The following NIF3L1 variants were observed in gnomAD, a reference collection of about 807,000 sequenced individuals.
NIF3L1 encodes the protein NIF3-like protein 1.
A neutral mutation model predicts 35.0 loss-of-function variants in NIF3L1; 26 were observed. The ratio of observed to expected loss-of-function variants is 0.74; its 90% confidence interval spans 0.54 to 1.03. The LOEUF (loss-of-function observed/expected upper bound fraction) is 1.03. NIF3L1 is among the 50% of genes least tolerant of loss of function. The probability of loss-of-function intolerance (pLI) is 0.00; values close to 1 mark genes in which losing one functional copy is unlikely to be tolerated. For synonymous variants in NIF3L1, 157 were observed against 178.9 expected, an observed-to-expected ratio of 0.88 and a Z score of 0.98; for missense variants, 449 against 466.3, an observed-to-expected ratio of 0.96 and a Z score of 0.34.
Position 200,894,562 on chromosome 2 carries a change from G to A in NIF3L1, c.600-702G>A, listed in dbSNP as rs148946488. ...ACTACAGGCACCCGCCCCCCACCAC[G>A]CCCGGCTAATTTTTTTTGTATTTTT... is the stretch of plus-strand genomic sequence containing the variant. On this transcript the variant is annotated intron_variant, in intron 3 of 6. Coordinates refer to ENST00000409020, the MANE Select transcript of NIF3L1 (RefSeq NM_001369441.2). Among the ~76,000 whole-genome samples, 841 of 151,474 alleles carry A rather than the reference G, an allele frequency of 5.6e-3. 11 individuals carry two copies. Among genetic ancestry groups the A allele is most frequent in the African/African-American group, 0.02 (807 of 41,290 alleles).
At chr2:200,892,559 AT>A (rs1259613704) in intron 2 of NIF3L1, among the ~76,000 whole-genome samples, 180 bp downstream of exon 2, 1 of 152,218 alleles carries the variant, frequency 6.6e-6, no homozygotes, top group African/African-American at 2.4e-5. Flanking sequence ...AAAAGGAAAC[AT>A]TTTTTATTCT....
At chr2:200,901,633 G>T (rs758280853) in intron 6 of NIF3L1, among the ~76,000 whole-genome samples, 2 of 152,292 alleles carry the variant, frequency 1.3e-5, no homozygotes, top group Admixed American at 6.5e-5. Flanking sequence ...GCCTGAGGCC[G>T]TGTTCTCATT....
chr2:200,902,749 C>T (rs1235009243), intron 6 of NIF3L1, among the ~76,000 whole-genome samples: 1 of 152,036 alleles, frequency 6.6e-6, no homozygotes, highest in African/African-American at 2.4e-5. Context: ...ACTAAGTTGA[C>T]GACAGAAATA....
intron 6 of NIF3L1, among the ~76,000 whole-genome samples, chr2:200,899,815 C>G (rs2040382473): frequency 6.6e-6 from 1 of 152,128 alleles, no homozygotes; most frequent in African/African-American, 2.4e-5. Context: ...ATCATCAATT[C>G]CTATCAATTC....
chr2:200,900,939 A>G (rs1015883047), intron 6 of NIF3L1, among the ~76,000 whole-genome samples: 8 of 152,184 alleles, frequency 5.3e-5, no homozygotes, highest in Admixed American at 2.6e-4. Flanking sequence ...GTCTATACAC[A>G]TTTGTGTTTG....
At chr2:200,896,962 A>G in intron 4 of NIF3L1, 114 bp from the exon 5 acceptor site, 1 of 993,634 alleles carries the variant, frequency 1.0e-6, no homozygotes, top group Non-Finnish European at 1.5e-6. Flanking sequence ...TTGTATCCCC[A>G]CATTTAGCCT....
rs771013408 is a variant in NIF3L1, at chr2:200,892,147, C to G, written c.204C>G (p.Phe68Leu). ...PSPPHTVNTL[F>L]LTNDLTEEVM... ...CACCACATACTGTAAATACACTCTT[C>G]CTGACCAATGACCTGACTGAGGAAG... Residue 68 changes from phenylalanine (F) to leucine (L), a missense_variant, in exon 2 of 7, where the codon TTC (phenylalanine) becomes TTG (leucine). Coordinates refer to ENST00000409020, the MANE Select transcript of NIF3L1 (RefSeq NM_001369441.2). The G allele has an allele frequency of 6.2e-7, 1 of 1,614,216 alleles. No individual in the cohort carries two copies. Among genetic ancestry groups the G allele is most frequent in the Admixed American group, 1.7e-5 (1 of 60,024 alleles).
chr2:200,898,324 G>A (rs180902240), intron 5 of NIF3L1, among the ~76,000 whole-genome samples: 68 of 152,298 alleles, frequency 4.5e-4, no homozygotes, highest in Admixed American at 1.0e-3. Context: ...CCTCTTCTCA[G>A]GGTGGCAGGA....
At position 200,899,403 on chromosome 2, in the gene NIF3L1, T is replaced by C; in HGVS notation, c.884T>C (p.Val295Ala). The C allele has an allele frequency of 6.2e-7, 1 of 1,614,048 alleles. No homozygotes were observed. The highest frequency in any genetic ancestry group is 8.5e-7 in the Non-Finnish European group (1 of 1,179,926). Reference sequence around the variant, plus strand: ...TTTGAAGAGTCTCAAGTCAAAGTCGTGGCCCTGTGTGCTGGTTCTGGGAGC... The same window carrying C: ...TTTGAAGAGTCTCAAGTCAAAGTCGCGGCCCTGTGTGCTGGTTCTGGGAGC... ...GRTLESQVKV[V>A]ALCAGSGSSV... is the part of the protein sequence containing the mutation. Residue 295 changes from valine to alanine, a missense_variant, in exon 6 of 7, where the codon GTG (valine) becomes GCG (alanine). Val to Ala is a moderately conservative substitution (Grantham distance 64). Coordinates refer to ENST00000409020, the MANE Select transcript of NIF3L1 (RefSeq NM_001369441.2).
chr2:200,896,851 TA>T (rs2040325319), intron 4 of NIF3L1, among the ~76,000 whole-genome samples: 1 of 152,180 alleles, frequency 6.6e-6, no homozygotes, highest in Non-Finnish European at 1.5e-5. Context: ...CCCAAAGTGC[TA>T]GGATTATAGG....
intron 6 of NIF3L1, among the ~76,000 whole-genome samples, chr2:200,903,283 G>A (rs2040437970): frequency 6.6e-6 from 1 of 152,198 alleles, no homozygotes; most frequent in Non-Finnish European, 1.5e-5. Flanking sequence ...GATTACAGGC[G>A]TGAGCCACCG....
rs369582311 is a variant in NIF3L1 at position 200,893,473 on chromosome 2, A to G, written c.599+65A>G. ...GGTAAGCATCTTCCTTACAAAGTCT[A>G]TAACCCTGGTATTTAGGCTTGAAAC... On this transcript the variant is annotated intron_variant, in intron 3 of 6. Transcript: ENST00000409020. 2.2e-5 allele frequency: 32 copies of G among 1,485,660 alleles called. No individual in the cohort carries two copies. In the East Asian group the frequency reaches 4.1e-4, roughly 19 times the overall value. The allele number at this position is 1,485,660 out of a possible 1,614,324, so 92.0% of individuals were successfully genotyped here.
At position 200,893,326 on chromosome 2, in the gene NIF3L1, G is replaced by A. The variant is rs778826172; in HGVS notation, c.517G>A (p.Val173Ile). 10 of 1,611,668 alleles carry A rather than the reference G, an allele frequency of 6.2e-6. No individual in the cohort carries two copies. Among genetic ancestry groups the A allele is most frequent in the East Asian group, 2.2e-5 (1 of 44,632 alleles). Residue 173 changes from valine to isoleucine, a missense_variant, in exon 3 of 7, where the codon GTT becomes ATT. Coordinates refer to ENST00000409020, the MANE Select transcript of NIF3L1 (RefSeq NM_001369441.2). ...TEGNHRVEFNVNYTQDLDKVM... is the reference protein window; with the variant it reads ...TEGNHRVEFNINYTQDLDKVM... The stretch of plus-strand genomic sequence containing the variant: ...GGGAAACCACCGAGTAGAATTCAAC[G>A]TTAACTACACCCAAGACCTGGACAA...
chr2:200,895,048 CTG>C (rs1379925079), intron 3 of NIF3L1, among the ~76,000 whole-genome samples: 1 of 152,160 alleles, frequency 6.6e-6, no homozygotes, highest in Non-Finnish European at 1.5e-5. Flanking sequence ...GCCCAGCACT[CTG>C]TGTTTTAATA....
At chr2:200,900,976 G>A (rs1364018439) in intron 6 of NIF3L1, among the ~76,000 whole-genome samples, 1 of 152,096 alleles carries the variant, frequency 6.6e-6, no homozygotes, top group Non-Finnish European at 1.5e-5. Context: ...ATATATACAA[G>A]TTAAAATATG....
intron 4 of NIF3L1, among the ~76,000 whole-genome samples, chr2:200,896,679 TAGCTCA>T (rs1195391078): frequency 1.3e-5 from 2 of 152,148 alleles, no homozygotes; most frequent in African/African-American, 4.8e-5. Context: ...GTCTCCTGGG[TAGCTCA>T]AGCCCACCTC....
intron 3 of NIF3L1, among the ~76,000 whole-genome samples, chr2:200,894,287 T>C (rs571926571): frequency 6.6e-6 from 1 of 152,098 alleles, no homozygotes; most frequent in Non-Finnish European, 1.5e-5. Flanking sequence ...TGTTTTAAAA[T>C]TATCATCTCT....
rs2040454967 is a variant in NIF3L1, at chr2:200,903,912, ATC to A, written c.*236_*237del. ...TAAACTCTAGGAAAGATTGAATAAA[ATC>A]TGTTTACTTAACATTCTTTGGAAGG... On this transcript the variant is annotated 3_prime_UTR_variant, in exon 7 of 7. Coordinates refer to ENST00000409020, the MANE Select transcript of NIF3L1 (RefSeq NM_001369441.2). 1.9e-6 allele frequency: 1 copy of A among 523,706 alleles called. No homozygotes were observed. Among genetic ancestry groups the A allele is most frequent in the South Asian group, 2.1e-5 (1 of 48,414 alleles). The allele number at this position is 523,706 out of a possible 1,614,324, so 32.4% of individuals were successfully genotyped here.
At chr2:200,900,492 G>A (rs926742777) in intron 6 of NIF3L1, among the ~76,000 whole-genome samples, 13 of 152,062 alleles carry the variant, frequency 8.5e-5, no homozygotes, top group Non-Finnish European at 1.8e-4. Context: ...CTACTTCCAT[G>A]CTTCCCTTGC....
Sources: allele counts gnomAD v4.1 joint callset (sites outside exome capture counted in the v4.1 genomes callset), GRCh38; gene constraint gnomAD v4.1.1; transcripts MANE v1.5; gene names NCBI Gene and HGNC (gene_info 2026-07-23, HGNC 2026-07-21).